HHIP: variants seen among roughly 807,000 people sequenced by gnomAD.
The protein encoded by HHIP is hedgehog interacting protein.
Under a neutral mutation model 74.0 loss-of-function variants are expected in HHIP, and 12 were observed. That is an observed-to-expected ratio of 0.16 (90% CI 0.10 to 0.26). The LOEUF (loss-of-function observed/expected upper bound fraction) is 0.26. HHIP is among the 10% of genes least tolerant of loss of function. HHIP has a pLI of 1.00. For missense variants in HHIP, 788 were observed against 845.0 expected, an observed-to-expected ratio of 0.93 and a Z score of 0.84; for synonymous variants, 309 against 311.6, an observed-to-expected ratio of 0.99 and a Z score of 0.09.
rs1479865820 is a variant in HHIP at position 144,652,694 on chromosome 4, C to T, written c.369C>T (p.Phe123=). 6.2e-7 allele frequency: 1 copy of T among 1,610,816 alleles called. No homozygotes were observed. Residue 123 remains phenylalanine, a synonymous_variant, in exon 2 of 13, where the codon TTC becomes TTT. Coordinates refer to ENST00000296575, the MANE Select transcript of HHIP (RefSeq NM_022475.3). ...GCTCTCCACATTCTCAAAGCCTGTTCCACTCACCTGAGAGAGAAGTCTTGG... is the reference window on the plus strand; with the variant it reads ...GCTCTCCACATTCTCAAAGCCTGTTTCACTCACCTGAGAGAGAAGTCTTGG... ...ALCSPHSQSL[F]HSPEREVLER...
At position 144,709,096 on chromosome 4, in the gene HHIP, C is replaced by T. The variant is rs531212103; in HGVS notation, c.1301+785C>T. 3.2e-4 allele frequency among the ~76,000 whole-genome samples: 49 copies of T among 152,290 alleles called. No individual in the cohort carries two copies. The South Asian group carries it at 9.7e-3, about 30-fold the overall frequency. Reference sequence around the variant, plus strand: ...ATACTCAGGGATATCTGGCCACATCCATTTATTCACTAAGTAGGTTATTAT... The same window carrying T: ...ATACTCAGGGATATCTGGCCACATCTATTTATTCACTAAGTAGGTTATTAT... On this transcript the variant is annotated intron_variant, in intron 7 of 12. Coordinates refer to ENST00000296575, the MANE Select transcript of HHIP (RefSeq NM_022475.3).
Position 144,646,282 on chromosome 4 carries a change from C to T in HHIP, c.-394C>T, listed in dbSNP as rs142005501. ...CGCCGTTTCTGTTCCTGCTACTGTC[C>T]CACCTAAACAACTCCCGTTACACGG... On this transcript the variant is annotated 5_prime_UTR_variant, in exon 1 of 13. Transcript: ENST00000296575. 4.4e-3 allele frequency: 779 copies of T among 178,352 alleles called. 1 individual carries two copies. Among genetic ancestry groups the T allele is most frequent in the Non-Finnish European group, 6.2e-3 (528 of 85,090 alleles). The allele number at this position is 178,352 out of a possible 1,614,324, so 11.0% of individuals were successfully genotyped here. A position where few individuals can be genotyped will look rare whatever the true frequency, so the allele number is the denominator to read the frequency against.
intron 4 of HHIP, among the ~76,000 whole-genome samples, chr4:144,665,929 A>G (rs911656875): frequency 2.6e-5 from 4 of 152,174 alleles, no homozygotes; most frequent in African/African-American, 9.7e-5. Context: ...TGAAGGGCAA[A>G]GGAAATAGAA....
intron 11 of HHIP, among the ~76,000 whole-genome samples, chr4:144,733,541 A>G (rs1368409143): frequency 2.0e-5 from 3 of 152,170 alleles, no homozygotes; most frequent in Non-Finnish European, 2.9e-5. Flanking sequence ...CAAAAAATTG[A>G]GTCTACAGGG....
intron 4 of HHIP, among the ~76,000 whole-genome samples, chr4:144,670,105 C>G (rs1728991049): frequency 6.7e-6 from 1 of 150,028 alleles, no homozygotes; most frequent in Non-Finnish European, 1.5e-5. Flanking sequence ...GATCACACCA[C>G]AGCACTCCAG....
intron 11 of HHIP, among the ~76,000 whole-genome samples, chr4:144,725,924 G>A (rs895089403): frequency 6.6e-6 from 1 of 152,048 alleles, no homozygotes; most frequent in African/African-American, 2.4e-5. Context: ...GCCTGGCTCG[G>A]CCTCCCAAAG....
intron 11 of HHIP, among the ~76,000 whole-genome samples, chr4:144,725,140 C>A (rs1730760610): frequency 6.6e-6 from 1 of 151,976 alleles, no homozygotes; most frequent in Admixed American, 6.6e-5. Context: ...TATTGCAGAA[C>A]CTTAAAGACA....
chr4:144,650,839 A>G (rs941023412), intron 1 of HHIP: 2 of 152,132 alleles, frequency 1.3e-5, no homozygotes, highest in African/African-American at 4.8e-5. Flanking sequence ...GTAAAAGACA[A>G]AATTCCTTAG....
intron 10 of HHIP, among the ~76,000 whole-genome samples, chr4:144,717,924 G>T (rs1306975442): frequency 6.6e-6 from 1 of 152,058 alleles, no homozygotes; most frequent in African/African-American, 2.4e-5. Flanking sequence ...TATCAATCTT[G>T]CACAGAAATA....
intron 4 of HHIP, among the ~76,000 whole-genome samples, chr4:144,686,726 G>A (rs531318390): frequency 1.2e-4 from 19 of 152,228 alleles, no homozygotes; most frequent in African/African-American, 3.1e-4. Flanking sequence ...AGACCTACAC[G>A]TCTCTAAGTG....
At chr4:144,729,831 C>G (rs1490455261) in intron 11 of HHIP, among the ~76,000 whole-genome samples, 1 of 152,056 alleles carries the variant, frequency 6.6e-6, no homozygotes, top group East Asian at 1.9e-4. Context: ...AAGTATTATT[C>G]TTGATCTGCA....
At chr4:144,675,935 G>C in intron 4 of HHIP, among the ~76,000 whole-genome samples, 1 of 152,114 alleles carries the variant, frequency 6.6e-6, no homozygotes, top group East Asian at 1.9e-4. Flanking sequence ...TCAACAATAA[G>C]CAGTCATAGG....
chr4:144,703,167 T>C (rs942819652), intron 4 of HHIP, among the ~76,000 whole-genome samples: 1 of 151,726 alleles, frequency 6.6e-6, no homozygotes, highest in Non-Finnish European at 1.5e-5. Context: ...TGAGCCGAGA[T>C]TGCGCCACTG....
At chr4:144,665,057 T>C (rs1046265776) in intron 4 of HHIP, among the ~76,000 whole-genome samples, 3 of 152,144 alleles carry the variant, frequency 2.0e-5, no homozygotes, top group Non-Finnish European at 4.4e-5. Flanking sequence ...AATAAAGATG[T>C]TTTTATTTTT....
At chr4:144,683,240 A>G (rs972048350) in intron 4 of HHIP, among the ~76,000 whole-genome samples, 1 of 152,254 alleles carries the variant, frequency 6.6e-6, no homozygotes, top group African/African-American at 2.4e-5. Flanking sequence ...TTGAACAGAA[A>G]TAAAATATCT....
intron 2 of HHIP, among the ~76,000 whole-genome samples, chr4:144,658,493 C>T (rs536920863): frequency 2.6e-5 from 4 of 151,732 alleles, no homozygotes; most frequent in South Asian, 4.2e-4. Flanking sequence ...CTCAGCCTCC[C>T]GAATAGCTAG....
At chr4:144,684,925 C>A (rs1046235379) in intron 4 of HHIP, among the ~76,000 whole-genome samples, 1 of 152,204 alleles carries the variant, frequency 6.6e-6, no homozygotes, top group Non-Finnish European at 1.5e-5. Flanking sequence ...TGGCCCCCTG[C>A]ATATACTGAT....
At chr4:144,737,655 T>C (rs1371606380) in intron 12 of HHIP, 109 bp from the exon 13 acceptor site, 6 of 960,838 alleles carry the variant, frequency 6.2e-6, no homozygotes, top group Non-Finnish European at 8.8e-6. Context: ...ATCTCCCTCC[T>C]TTTTTCCCTC....
At position 144,737,924 on chromosome 4, in the gene HHIP, T is replaced by A. The variant is rs751376042; in HGVS notation, c.2070T>A (p.Ser690=). The A allele has an allele frequency of 6.2e-7, 1 of 1,611,814 alleles. No individual in the cohort carries two copies. Among genetic ancestry groups the A allele is most frequent in the Admixed American group, 1.7e-5 (1 of 59,912 alleles). Residue 690 remains serine (S), a synonymous_variant, in exon 13 of 13, where the codon TCT becomes TCA. Coordinates refer to ENST00000296575, the MANE Select transcript of HHIP (RefSeq NM_022475.3). ...GILDQIIDMT[S]YLLDLTSYIV ...TTGATCAGATCATTGACATGACATC[T>A]TACTTGCTGGATCTAACAAGTTACA... is the stretch of plus-strand genomic sequence containing the variant.
Sources: gnomAD v4.1 joint callset for allele counts (sites outside exome capture counted in the v4.1 genomes callset) on GRCh38, gnomAD v4.1.1 for gene constraint, MANE v1.5 for transcripts, NCBI Gene and HGNC (gene_info 2026-07-23, HGNC 2026-07-21) for gene names.